The following GPC6 variants were observed in gnomAD, a reference collection of about 807,000 sequenced individuals.
GPC6 encodes glypican-6.
Under a neutral mutation model 55.2 loss-of-function variants are expected in GPC6, and 14 were observed. The ratio of observed to expected loss-of-function variants is 0.25; its 90% CI spans 0.17 to 0.40. The LOEUF (loss-of-function observed/expected upper bound fraction) is 0.40, where lower values mean the gene tolerates loss of function less well. Ranked by LOEUF, GPC6 falls within the 10% of genes least tolerant of loss-of-function variation. The pLI is 1.00. For synonymous variants in GPC6, 278 were observed against 259.6 expected (o/e 1.07, Z -0.68); for missense variants, 641 against 708.5 (o/e 0.90, Z 1.08).
intron 2 of GPC6, among the ~76,000 whole-genome samples, chr13:93,785,515 C>T (rs994336777): frequency 6.6e-6 from 1 of 151,944 alleles, no homozygotes; most frequent in Admixed American, 6.6e-5. Flanking sequence ...ACGTAGATCA[C>T]GATTTGAGAA....
intron 2 of GPC6, among the ~76,000 whole-genome samples, chr13:93,615,924 A>G (rs1238235274): frequency 1.3e-5 from 2 of 152,308 alleles, no homozygotes; most frequent in Admixed American, 6.5e-5. Flanking sequence ...CTGCTCACTC[A>G]GTAGTAACTA....
At chr13:94,023,016 T>C (rs760152730) in intron 3 of GPC6, among the ~76,000 whole-genome samples, 5 of 152,102 alleles carry the variant, frequency 3.3e-5, no homozygotes, top group Non-Finnish European at 7.4e-5. Context: ...TATGACTATC[T>C]GGAAAGTTAC....
At chr13:94,293,415 C>T (rs1374355024) in intron 5 of GPC6, among the ~76,000 whole-genome samples, 1 of 152,164 alleles carries the variant, frequency 6.6e-6, no homozygotes, top group Non-Finnish European at 1.5e-5. Context: ...CCTTCACACA[C>T]TCTCTCTCAC....
chr13:93,634,795 T>G (rs942996283), intron 2 of GPC6, among the ~76,000 whole-genome samples: 3 of 152,180 alleles, frequency 2.0e-5, no homozygotes, highest in African/African-American at 4.8e-5. Flanking sequence ...TTATGTCTCA[T>G]TGTGCAGAAC....
intron 6 of GPC6, among the ~76,000 whole-genome samples, chr13:94,349,862 T>A (rs1878454547): frequency 6.6e-6 from 1 of 152,168 alleles, no homozygotes; most frequent in Admixed American, 6.5e-5. Context: ...TATCTGTCTT[T>A]ACCTCCACTA....
At chr13:93,859,155 A>G (rs896764223) in intron 3 of GPC6, among the ~76,000 whole-genome samples, 5 of 151,542 alleles carry the variant, frequency 3.3e-5, no homozygotes, top group African/African-American at 4.8e-5. Context: ...TATTCTTGGC[A>G]TTATTGTCCA....
rs114665553 is a variant in GPC6, at chr13:93,843,268, T to G, written c.711+12723T>G. Among the ~76,000 whole-genome samples the G allele has an allele frequency of 6.7e-3, 1,017 of 152,254 alleles. 14 individuals carry two copies. Among genetic ancestry groups the G allele is most frequent in the African/African-American group, 0.024 (980 of 41,548 alleles). ...TGTGGGTGTACATGTGTGTGCATGTTTAGCCTGACTCACTTTTCACTCTGA... is the reference window on the plus strand; with the variant it reads ...TGTGGGTGTACATGTGTGTGCATGTGTAGCCTGACTCACTTTTCACTCTGA... On this transcript the variant is annotated intron_variant, in intron 3 of 8. Coordinates refer to ENST00000377047, the MANE Select transcript of GPC6 (RefSeq NM_005708.5).
intron 4 of GPC6, among the ~76,000 whole-genome samples, chr13:94,204,504 T>C (rs192601809): frequency 6.6e-6 from 1 of 152,314 alleles, no homozygotes; most frequent in Admixed American, 6.5e-5. Flanking sequence ...AGTATTTCAC[T>C]GTAATAAAAA....
At chr13:93,767,518 C>T (rs1885160872) in intron 2 of GPC6, among the ~76,000 whole-genome samples, 1 of 152,104 alleles carries the variant, frequency 6.6e-6, no homozygotes, top group Non-Finnish European at 1.5e-5. Flanking sequence ...ACAAAATGAA[C>T]TGGAATGTAG....
rs887893765 is a variant in GPC6, at chr13:94,372,999, G to A, written c.1153-9415G>A. Among the ~76,000 whole-genome samples the A allele has an allele frequency of 1.6e-4, 25 of 152,262 alleles. 1 individual carries two copies. The East Asian group carries it at 1.7e-3, about 11-fold the overall frequency. Reference sequence around the variant, plus strand: ...GGTATTCCAACAGACCTGCAGCTGAGGGTCCTATCTGTTAGAAGGAAAACT... The same window carrying A: ...GGTATTCCAACAGACCTGCAGCTGAAGGTCCTATCTGTTAGAAGGAAAACT... On this transcript the variant is annotated intron_variant, in intron 6 of 8. Coordinates refer to ENST00000377047, the MANE Select transcript of GPC6 (RefSeq NM_005708.5).
intron 6 of GPC6, among the ~76,000 whole-genome samples, chr13:94,349,468 C>A (rs938485988): frequency 6.6e-6 from 1 of 152,146 alleles, no homozygotes; most frequent in South Asian, 2.1e-4. Flanking sequence ...TATGGACTTA[C>A]AAAGATAGAT....
intron 5 of GPC6, among the ~76,000 whole-genome samples, chr13:94,301,327 A>G (rs9524426): frequency 0.46 from 69,221 of 151,926 alleles, 16,294 homozygotes; most frequent in African/African-American, 0.52. Context: ...AGCCCAGGAG[A>G]TTGAGGCTGC....
chr13:94,390,481 T>G (rs1216438968), intron 7 of GPC6, among the ~76,000 whole-genome samples: 1 of 152,082 alleles, frequency 6.6e-6, no homozygotes, highest in Non-Finnish European at 1.5e-5. Context: ...CTCAGGAAAC[T>G]TACAACCATG....
intron 4 of GPC6, among the ~76,000 whole-genome samples, chr13:94,175,955 TAGAGAG>T (rs1555304120): frequency 6.5e-4 from 51 of 78,546 alleles, no homozygotes; most frequent in East Asian, 8.8e-4. Flanking sequence ...TATATATATA[TAGAGAG>T]AGAGAGAGAG....
At chr13:93,703,932 T>A (rs921109443) in intron 2 of GPC6, among the ~76,000 whole-genome samples, 1 of 152,016 alleles carries the variant, frequency 6.6e-6, no homozygotes, top group Non-Finnish European at 1.5e-5. Context: ...GCATGAGAGC[T>A]GGCTTTGTAA....
chr13:93,847,091 A>T (rs1888207906), intron 3 of GPC6, among the ~76,000 whole-genome samples: 1 of 152,158 alleles, frequency 6.6e-6, no homozygotes, highest in Non-Finnish European at 1.5e-5. Context: ...TAACATAAGT[A>T]ACATAGACAC....
At chr13:93,700,596 T>C (rs1371928864) in intron 2 of GPC6, among the ~76,000 whole-genome samples, 2 of 152,134 alleles carry the variant, frequency 1.3e-5, no homozygotes, top group Non-Finnish European at 2.9e-5. Flanking sequence ...ATAGAATTAA[T>C]ACATTTTTGG....
intron 1 of GPC6, among the ~76,000 whole-genome samples, chr13:93,324,577 CACAT>C (rs1555290849): frequency 1.0e-5 from 1 of 98,978 alleles, no homozygotes; most frequent in African/African-American, 4.9e-5. Context: ...TATATACACA[CACAT>C]ACATACATAT....
chr13:93,630,668 C>A lies in GPC6; in HGVS notation c.319+85247C>A, dbSNP rs148011774. Among the ~76,000 whole-genome samples the A allele has an allele frequency of 2.5e-3, 382 of 152,170 alleles. 1 individual carries two copies. Among genetic ancestry groups the A allele is most frequent in the Non-Finnish European group, 4.2e-3 (283 of 68,008 alleles). ...TCCATATAATTAGAAAGAGTATTTT[C>A]TATAACTAGTCATGGATAATCTATA... On this transcript the variant is annotated intron_variant, in intron 2 of 8. Transcript: ENST00000377047.
Sources: allele counts gnomAD v4.1 joint callset (sites outside exome capture counted in the v4.1 genomes callset), GRCh38; gene constraint gnomAD v4.1.1; transcripts MANE v1.5; gene names NCBI Gene and HGNC (gene_info 2026-07-23, HGNC 2026-07-21).